Variants in MAMLD1 observed in about 807,000 individuals in gnomAD.
MAMLD1 encodes mastermind-like domain-containing protein 1.
Under a neutral mutation model 45.0 loss-of-function variants are expected in MAMLD1, and 14 were observed. That is an observed-to-expected ratio of 0.31 (90% CI 0.21 to 0.49). MAMLD1 has a LOEUF of 0.49. MAMLD1 is among the 20% of genes least tolerant of loss of function. The pLI is 0.99. For missense variants in MAMLD1, 543 were observed against 603.6 expected, an observed-to-expected ratio of 0.90 and a Z score of 1.05; for synonymous variants, 254 against 247.8, an observed-to-expected ratio of 1.02 and a Z score of -0.24.
rs782701414 is a variant in MAMLD1, at chrX:150,513,065, G to A, written c.*1106G>A. 1 of 1,147,569 alleles carries A rather than the reference G, an allele frequency of 8.7e-7. No homozygotes were observed. Among genetic ancestry groups the A allele is most frequent in the African/African-American group, 1.8e-5 (1 of 55,473 alleles). 94.6% of individuals were successfully genotyped at this position (1,147,569 alleles called of 1,213,427 possible). A position where few individuals can be genotyped will look rare whatever the true frequency, so the allele number is the denominator to read the frequency against. ...TGGGCAAGTCACCCAGGATGCTGGG[G>A]CACTTTAAATCTGAGCAGGATGCCC... On this transcript the variant is annotated 3_prime_UTR_variant, in exon 8 of 8. Transcript: ENST00000370401.
chrX:150,479,053 C>T (rs1487575817), intron 5 of MAMLD1, among the ~76,000 whole-genome samples: 1 of 109,221 alleles, frequency 9.2e-6, no homozygotes, highest in South Asian at 3.8e-4. Flanking sequence ...ATTAATCTTA[C>T]CAAGAATCAA....
intron 1 of MAMLD1, among the ~76,000 whole-genome samples, chrX:150,399,914 T>G (rs782381334): frequency 8.9e-6 from 1 of 112,459 alleles, no homozygotes; most frequent in African/African-American, 3.2e-5. Flanking sequence ...GAGGGGCTGA[T>G]GAGGAGACAT....
intron 5 of MAMLD1, among the ~76,000 whole-genome samples, chrX:150,481,995 A>AGAAG (rs2036814641): frequency 9.5e-6 from 1 of 105,694 alleles, no homozygotes; most frequent in Non-Finnish European, 1.9e-5. Flanking sequence ...AAAGAAAGAA[A>AGAAG]GAAAGAAAGA....
intron 2 of MAMLD1, among the ~76,000 whole-genome samples, chrX:150,457,625 G>A (rs2035909574): frequency 8.9e-6 from 1 of 112,233 alleles, no homozygotes. Context: ...CCACACAATG[G>A]AATATTATTT....
At position 150,513,362 on chromosome X, in the gene MAMLD1, A is replaced by G. The variant is rs2037957895; in HGVS notation, c.*1403A>G. 5.6e-6 allele frequency: 2 copies of G among 359,188 alleles called. No homozygotes were observed. Among genetic ancestry groups the G allele is most frequent in the South Asian group, 8.3e-5 (1 of 12,023 alleles). The allele number at this position is 359,188 out of a possible 1,213,427, so 29.6% of individuals were successfully genotyped here. ...CTTTTGTTTCAGTAGAGTTGTGTTT[A>G]CTATGCATTGTTTTGTGTTTATTAT... On this transcript the variant is annotated 3_prime_UTR_variant, in exon 8 of 8. Coordinates refer to ENST00000370401, the MANE Select transcript of MAMLD1 (RefSeq NM_005491.5).
chrX:150,381,735 T>A (rs1452940813), intron 1 of MAMLD1, among the ~76,000 whole-genome samples: 1 of 112,414 alleles, frequency 8.9e-6, no homozygotes, highest in Non-Finnish European at 1.9e-5. Flanking sequence ...TAGAGATATC[T>A]CATTGTCATA....
At chrX:150,475,719 G>A (rs1434114722) in intron 5 of MAMLD1, among the ~76,000 whole-genome samples, 2 of 111,804 alleles carry the variant, frequency 1.8e-5, no homozygotes, top group Non-Finnish European at 3.8e-5. Flanking sequence ...CAACTCCTGA[G>A]CCTCAGCTGA....
chrX:150,431,813 T>C (rs1345559182), intron 1 of MAMLD1, among the ~76,000 whole-genome samples: 1 of 110,996 alleles, frequency 9.0e-6, no homozygotes, highest in African/African-American at 3.3e-5. Context: ...CTTTATCCAG[T>C]CTACTTTTGA....
At position 150,511,988 on chromosome X, in the gene MAMLD1, CTCTT is replaced by C. The variant is rs782690520; in HGVS notation, c.*45-12_*45-9del. ...GCCTTTGGAACTCATCCCCACTTCT[CTCTT>C]TCTGTATGTAGCCGTCCAAGAACAA... On this transcript the variant is annotated splice_polypyrimidine_tract_variant and intron_variant, in intron 7 of 7. Coordinates refer to ENST00000370401, the MANE Select transcript of MAMLD1 (RefSeq NM_005491.5). 9 of 1,056,179 alleles carry C rather than the reference CTCTT, an allele frequency of 8.5e-6. No homozygotes were observed. Among genetic ancestry groups the C allele is most frequent in the South Asian group, 5.8e-5 (2 of 34,718 alleles). The allele number at this position is 1,056,179 out of a possible 1,213,427, so 87.0% of individuals were successfully genotyped here.
chrX:150,393,605 G>C (rs2033280109), intron 1 of MAMLD1, among the ~76,000 whole-genome samples: 1 of 112,076 alleles, frequency 8.9e-6, no homozygotes, highest in African/African-American at 3.2e-5. Flanking sequence ...ACCAGTATTT[G>C]TTGTTGCCAG....
At chrX:150,473,537 A>G (rs2036491233) in intron 4 of MAMLD1, 143 bp from the exon 5 acceptor site, 1 of 564,933 alleles carries the variant, frequency 1.8e-6, no homozygotes. Context: ...GTCGTTTGAT[A>G]GACCATGCGG....
chrX:150,460,272 A>C (rs2035994583), intron 2 of MAMLD1, among the ~76,000 whole-genome samples: 1 of 111,753 alleles, frequency 8.9e-6, no homozygotes, highest in African/African-American at 3.3e-5. Context: ...TCCCACTCCG[A>C]ACCACAAAAC....
intron 1 of MAMLD1, among the ~76,000 whole-genome samples, chrX:150,443,188 G>A (rs1415286388): frequency 9.9e-6 from 1 of 100,947 alleles, no homozygotes; most frequent in Non-Finnish European, 2.0e-5. Context: ...TATGTCTTTT[G>A]TCAAATTTGG....
At chrX:150,398,331 AGAAGAAGAAGAGGAAGAGGAAGAG>A (rs2033582538) in intron 1 of MAMLD1, among the ~76,000 whole-genome samples, 5 of 66,988 alleles carry the variant, frequency 7.5e-5, no homozygotes, top group African/African-American at 2.9e-4. Flanking sequence ...AAGAAGAAGA[AGAAGAAGAAGAGGAAGAGGAAGAG>A]GAAGAGGAAG....
chrX:150,390,637 A>G (rs1308180088), intron 1 of MAMLD1, among the ~76,000 whole-genome samples: 1 of 112,293 alleles, frequency 8.9e-6, no homozygotes, highest in Non-Finnish European at 1.9e-5. Context: ...TATTTCCTCT[A>G]TACACATTCA....
chrX:150,501,023 G>A (rs2037536391), intron 5 of MAMLD1, among the ~76,000 whole-genome samples: 1 of 111,828 alleles, frequency 8.9e-6, no homozygotes. Flanking sequence ...TGCCCACACT[G>A]TCGGGGTATC....
intron 1 of MAMLD1, among the ~76,000 whole-genome samples, chrX:150,372,570 A>G (rs932030532): frequency 1.1e-4 from 12 of 112,465 alleles, no homozygotes; most frequent in African/African-American, 3.9e-4. Flanking sequence ...GTCAAGGATT[A>G]ATTTAACCTC....
rs377121596 is a variant in MAMLD1, at chrX:150,471,440, C to A, written c.1867C>A (p.Arg623Ser). 5.0e-6 allele frequency: 6 copies of A among 1,211,478 alleles called. No individual in the cohort carries two copies. Among genetic ancestry groups the A allele is most frequent in the Admixed American group, 2.2e-5 (1 of 46,098 alleles). The change falls in exon 4 of 8, where the codon CGT (arginine) becomes AGT (serine). Residue 623 changes from arginine (R) to serine (S), a missense_variant. Coordinates refer to ENST00000370401, the MANE Select transcript of MAMLD1 (RefSeq NM_005491.5). ...GCAGCAGATGATGCAGCAACCCCAG[C>A]GTTTTCAGCGATCAGTGGCCTCAGA... Reference protein sequence around the residue: ...LLQQMMQQPQRFQRSVASDSM... With the variant: ...LLQQMMQQPQSFQRSVASDSM...
Position 150,512,713 on chromosome X carries a change from C to T in MAMLD1, c.*754C>T, listed in dbSNP as rs2037937792. 1.7e-6 allele frequency: 2 copies of T among 1,152,383 alleles called. No individual in the cohort carries two copies. The highest frequency in any genetic ancestry group is 2.3e-6 in the Non-Finnish European group (2 of 871,299). 95.0% of individuals were successfully genotyped at this position (1,152,383 alleles called of 1,213,427 possible). ...GTATGGCCAGCTTTAGTCCCCTGAG[C>T]CCCATACAGGGCATCGAGCCACCAA... On this transcript the variant is annotated 3_prime_UTR_variant, in exon 8 of 8. Transcript: ENST00000370401.
Sources: allele counts gnomAD v4.1 joint callset (sites outside exome capture counted in the v4.1 genomes callset), GRCh38; gene constraint gnomAD v4.1.1; transcripts MANE v1.5; gene names NCBI Gene and HGNC (gene_info 2026-07-23, HGNC 2026-07-21).